Variants in ADGRG7 observed in about 807,000 individuals in gnomAD.
ADGRG7 encodes adhesion G protein-coupled receptor G7, also known as G-protein coupled receptor 128.
A neutral mutation model predicts 88.6 loss-of-function variants in ADGRG7; 82 were observed. That is an observed-to-expected ratio of 0.93 (90% CI 0.77 to 1.11). The LOEUF is 1.11. Ranked by LOEUF, ADGRG7 falls within the 50% of genes most tolerant of loss-of-function variation. The pLI, the probability that ADGRG7 is intolerant of heterozygous loss-of-function variation, is 0.00. For missense variants in ADGRG7, 945 were observed against 953.4 expected, an observed-to-expected ratio of 0.99 and a Z score of 0.12; for synonymous variants, 381 against 345.2, an observed-to-expected ratio of 1.10 and a Z score of -1.15.
At chr3:100,640,259 C>T (rs1707618127) in intron 6 of ADGRG7, among the ~76,000 whole-genome samples, 1 of 152,210 alleles carries the variant, frequency 6.6e-6, no homozygotes, top group South Asian at 2.1e-4. Flanking sequence ...GCTGGGTTCC[C>T]TGACAGACAT....
At chr3:100,662,368 A>T (rs997983421) in intron 14 of ADGRG7, among the ~76,000 whole-genome samples, 4 of 152,214 alleles carry the variant, frequency 2.6e-5, no homozygotes, top group African/African-American at 4.8e-5. Context: ...CGCTCTTAAC[A>T]GTATGTTTAA....
At position 100,665,281 on chromosome 3, in the gene ADGRG7, G is replaced by A. The variant is rs190046643; in HGVS notation, c.1980-3668G>A. ...TATTTATAACTATACACAATGAAAC[G>A]AGGTTGTCGTTCAGGTAGTTCATCT... On this transcript the variant is annotated intron_variant, in intron 14 of 15. Transcript: ENST00000273352. The A allele has an allele frequency of 1.0e-4, 54 of 540,670 alleles. 1 individual carries two copies. The highest frequency in any genetic ancestry group is 3.0e-5 in the Non-Finnish European group (8 of 263,812). 33.5% of individuals were successfully genotyped at this position (540,670 alleles called of 1,614,324 possible).
chr3:100,633,223 A>T, intron 3 of ADGRG7, 42 bp from the exon 4 acceptor site: 1 of 973,426 alleles, frequency 1.0e-6, no homozygotes, highest in Non-Finnish European at 1.4e-6. Flanking sequence ...CAATAATTTT[A>T]ATAAATACTT....
chr3:100,669,438 G>T (rs1251633855), intron 15 of ADGRG7, among the ~76,000 whole-genome samples: 1 of 150,762 alleles, frequency 6.6e-6, no homozygotes, highest in East Asian at 2.0e-4. Flanking sequence ...TCCTGCTGAG[G>T]CACGAGAATG....
intron 15 of ADGRG7, among the ~76,000 whole-genome samples, chr3:100,683,899 T>C (rs1262805384): frequency 6.6e-6 from 1 of 152,234 alleles, no homozygotes; most frequent in Non-Finnish European, 1.5e-5. Flanking sequence ...AAACTTCCTT[T>C]TATTCTATTT....
chr3:100,679,821 A>G (rs1436343680), intron 15 of ADGRG7, among the ~76,000 whole-genome samples: 1 of 152,176 alleles, frequency 6.6e-6, no homozygotes, highest in Non-Finnish European at 1.5e-5. Flanking sequence ...AGACAGTGTT[A>G]TAGTTATTGC....
intron 8 of ADGRG7, among the ~76,000 whole-genome samples, chr3:100,644,044 G>A (rs1707694312): frequency 6.6e-6 from 1 of 152,116 alleles, no homozygotes; most frequent in Non-Finnish European, 1.5e-5. Context: ...AGAAGTCTAT[G>A]TAATTGGCAC....
chr3:100,610,108 A>G, intron 1 of ADGRG7, 137 bp downstream of exon 1: 1 of 638,116 alleles, frequency 1.6e-6, no homozygotes, highest in Non-Finnish European at 2.8e-6. Flanking sequence ...ATGGGATATA[A>G]AAGACCAAGT....
chr3:100,633,210 A>T, intron 3 of ADGRG7, 55 bp from the exon 4 acceptor site: 1 of 818,308 alleles, frequency 1.2e-6, no homozygotes, highest in Non-Finnish European at 1.7e-6. Flanking sequence ...TAAAAATAAT[A>T]GGCAATAATT....
intron 15 of ADGRG7, among the ~76,000 whole-genome samples, chr3:100,685,598 C>T (rs1439055054): frequency 6.6e-6 from 1 of 152,082 alleles, no homozygotes; most frequent in Non-Finnish European, 1.5e-5. Context: ...TTGTTCAATT[C>T]CCACCTATGA....
Position 100,679,768 on chromosome 3 carries a change from C to T in ADGRG7, c.2136+10663C>T, listed in dbSNP as rs149905687. ...TGGGACACATCTTCTTTCCTTTTCT[C>T]CTATGTAAGGGGTTCATGGCAACTC... On this transcript the variant is annotated intron_variant, in intron 15 of 15. Coordinates refer to ENST00000273352, the MANE Select transcript of ADGRG7 (RefSeq NM_032787.3). Among the ~76,000 whole-genome samples the T allele has an allele frequency of 1.1e-4, 16 of 152,236 alleles. 1 individual carries two copies. Among genetic ancestry groups the T allele is most frequent in the African/African-American group, 3.6e-4 (15 of 41,540 alleles).
chr3:100,611,599 A>T (rs1261213642), intron 1 of ADGRG7, among the ~76,000 whole-genome samples: 1 of 152,158 alleles, frequency 6.6e-6, no homozygotes, highest in Admixed American at 6.5e-5. Context: ...AGTAATAAAG[A>T]TCCCATGTCT....
At chr3:100,622,536 C>T (rs1707328482) in intron 1 of ADGRG7, among the ~76,000 whole-genome samples, 1 of 152,162 alleles carries the variant, frequency 6.6e-6, no homozygotes, top group South Asian at 2.1e-4. Flanking sequence ...ATTGCCCATC[C>T]ATATATCTTC....
At chr3:100,654,388 A>C (rs1332491137) in intron 11 of ADGRG7, 1 of 153,218 alleles carries the variant, frequency 6.5e-6, no homozygotes, top group Admixed American at 6.5e-5. Context: ...AGAAGTTAAA[A>C]CATTACTATG....
At chr3:100,630,189 T>C (rs1707440903) in intron 2 of ADGRG7, among the ~76,000 whole-genome samples, 1 of 148,050 alleles carries the variant, frequency 6.8e-6, no homozygotes, top group African/African-American at 2.6e-5. Context: ...TTTCAATCAA[T>C]TGTGTCTCAG....
intron 15 of ADGRG7, among the ~76,000 whole-genome samples, chr3:100,691,670 A>G (rs1192106450): frequency 6.6e-6 from 1 of 151,562 alleles, no homozygotes; most frequent in African/African-American, 2.4e-5. Context: ...TCAAAATGAC[A>G]TTGATACAAT....
chr3:100,694,877 T>A lies in ADGRG7; in HGVS notation c.2270T>A (p.Val757Glu), dbSNP rs757385035. 6.2e-7 allele frequency: 1 copy of A among 1,614,192 alleles called. No homozygotes were observed. Among genetic ancestry groups the A allele is most frequent in the Non-Finnish European group, 8.5e-7 (1 of 1,180,036 alleles). Residue 757 changes from valine to glutamate, a missense_variant, in exon 16 of 16, where the codon GTA becomes GAA. Transcript: ENST00000273352. Reference protein sequence around the residue: ...LPSVTRPRLRVKMYNFLRSLP... With the variant: ...LPSVTRPRLREKMYNFLRSLP... ...TCAGTGACGCGGCCGAGGCTGCGTG[T>A]AAAGATGTATAATTTCCTCAGGTCA...
chr3:100,665,082 A>G (rs972804406), intron 14 of ADGRG7: 4 of 501,872 alleles, frequency 8.0e-6, no homozygotes, highest in African/African-American at 7.8e-5. Context: ...TCACATAACC[A>G]TTCTTCAGTC....
intron 1 of ADGRG7, among the ~76,000 whole-genome samples, chr3:100,610,323 G>A (rs746402733): frequency 3.3e-5 from 5 of 152,070 alleles, no homozygotes; most frequent in Non-Finnish European, 5.9e-5. Flanking sequence ...TTATGAACAA[G>A]GACACACACA....
Sources: allele counts gnomAD v4.1 joint callset (sites outside exome capture counted in the v4.1 genomes callset), GRCh38; gene constraint gnomAD v4.1.1; transcripts MANE v1.5; gene names NCBI Gene and HGNC (gene_info 2026-07-23, HGNC 2026-07-21).